The following TENM4 variants were observed in gnomAD, a reference collection of about 807,000 sequenced individuals.
TENM4 encodes the protein teneurin-4.
A neutral mutation model predicts 243.3 loss-of-function variants in TENM4; 82 were observed. The ratio of observed to expected loss-of-function variants is 0.34; its 90% CI spans 0.28 to 0.40. The LOEUF is 0.40. Ranked by LOEUF, TENM4 falls within the 10% of genes least tolerant of loss-of-function variation. The probability of loss-of-function intolerance (pLI) is 1.00; values close to 1 mark genes in which losing one functional copy is unlikely to be tolerated. For missense variants in TENM4, 3,138 were observed against 3,673.3 expected (o/e 0.85, Z 3.77); for synonymous variants, 1,412 against 1,456.3 (o/e 0.97, Z 0.69).
chr11:79,045,469 C>T (rs1003969692), intron 6 of TENM4, among the ~76,000 whole-genome samples: 4 of 152,096 alleles, frequency 2.6e-5, no homozygotes, highest in African/African-American at 9.7e-5. Context: ...GAGGCTCAGC[C>T]CTTTCCTCTC....
At chr11:78,778,837 G>T (rs1856788720) in intron 16 of TENM4, among the ~76,000 whole-genome samples, 1 of 152,158 alleles carries the variant, frequency 6.6e-6, no homozygotes, top group Non-Finnish European at 1.5e-5. Context: ...TGGCCAAAAG[G>T]AACTTCAACT....
chr11:78,942,782 G>A (rs1008921334), intron 6 of TENM4, among the ~76,000 whole-genome samples: 3 of 142,658 alleles, frequency 2.1e-5, no homozygotes, highest in Non-Finnish European at 4.5e-5. Context: ...CCCCTCCTAC[G>A]TAAAATTTAT....
At chr11:78,685,912 C>T (rs865776637) in intron 29 of TENM4, among the ~76,000 whole-genome samples, 1 of 152,184 alleles carries the variant, frequency 6.6e-6, no homozygotes, top group Non-Finnish European at 1.5e-5. Flanking sequence ...TCCACAGTTC[C>T]CAGCTCATAA....
intron 3 of TENM4, among the ~76,000 whole-genome samples, chr11:79,202,180 C>A (rs1033885198): frequency 3.3e-5 from 5 of 152,166 alleles, no homozygotes; most frequent in Non-Finnish European, 5.9e-5. Context: ...CTGCCAGGAA[C>A]AGGACCTCGT....
chr11:78,726,195 C>T lies in TENM4; in HGVS notation c.3434G>A (p.Cys1145Tyr). 12 of 1,613,882 alleles carry T rather than the reference C, an allele frequency of 7.4e-6. No homozygotes were observed. Among genetic ancestry groups the T allele is most frequent in the Non-Finnish European group, 1.0e-5 (12 of 1,179,858 alleles). ...TTTTTCCCACAGGATTAGATCTGGG[C>T]AGGATTCATATTCATAACCCACGGA... ...FVSVGYEYESCPDLILWEKRT... is the reference protein window; with the variant it reads ...FVSVGYEYESYPDLILWEKRT... Residue 1145 changes from cysteine (C) to tyrosine (Y), a missense_variant, in exon 23 of 34, where the codon TGC becomes TAC. Transcript: ENST00000278550.
At chr11:79,272,758 G>A (rs759849520) in intron 2 of TENM4, among the ~76,000 whole-genome samples, 4 of 152,050 alleles carry the variant, frequency 2.6e-5, no homozygotes, top group African/African-American at 4.8e-5. Flanking sequence ...CTTCCTCCTG[G>A]AAGCTTCCCC....
intron 3 of TENM4, among the ~76,000 whole-genome samples, chr11:79,212,873 C>T (rs777861219): frequency 2.0e-5 from 3 of 152,192 alleles, no homozygotes; most frequent in Non-Finnish European, 4.4e-5. Context: ...AACAAGTCTC[C>T]GCCTCCTGAC....
intron 4 of TENM4, among the ~76,000 whole-genome samples, chr11:79,071,321 T>A (rs1860410138): frequency 6.6e-6 from 1 of 152,170 alleles, no homozygotes; most frequent in Non-Finnish European, 1.5e-5. Flanking sequence ...GACATTCCCC[T>A]GCTTCACTAT....
chr11:78,756,716 C>A, intron 19 of TENM4, 89 bp downstream of exon 19: 1 of 1,305,052 alleles, frequency 7.7e-7, no homozygotes, highest in East Asian at 2.5e-5. Flanking sequence ...TCCTGGCTTC[C>A]TCCCACCCCC....
Position 78,672,065 on chromosome 11 carries a change from C to G in TENM4, c.5761G>C (p.Gly1921Arg). The change falls in exon 31 of 34, where the codon GGG (glycine) becomes CGG (arginine). Residue 1921 changes from glycine to arginine, a missense_variant. Physicochemically the swap from Gly to Arg is moderately radical, Grantham distance 125. Around this residue, in one of 2 missense-constraint regions of TENM4, gnomAD observed 2,467 missense variants for 3,059.1 expected, o/e 0.81. Transcript: ENST00000278550. ...GRITSRIFAD[G>R]KTWSYTYLEK... Reference sequence around the variant, plus strand: ...AAGTATGTGTAGCTCCATGTCTTCCCATCAGCGAAGATCCTGGATGTGATG... The same window carrying G: ...AAGTATGTGTAGCTCCATGTCTTCCGATCAGCGAAGATCCTGGATGTGATG... 1 of 1,613,938 alleles carries G rather than the reference C, an allele frequency of 6.2e-7. No individual in the cohort carries two copies. Among genetic ancestry groups the G allele is most frequent in the South Asian group, 1.1e-5 (1 of 91,042 alleles).
At chr11:79,114,458 A>G (rs955834138) in intron 4 of TENM4, among the ~76,000 whole-genome samples, 1 of 152,254 alleles carries the variant, frequency 6.6e-6, no homozygotes, top group Non-Finnish European at 1.5e-5. Flanking sequence ...GTGAAACTGT[A>G]AAAGTCCCCT....
chr11:79,038,876 A>G (rs1291370948), intron 6 of TENM4, among the ~76,000 whole-genome samples: 2 of 151,978 alleles, frequency 1.3e-5, no homozygotes, highest in African/African-American at 4.8e-5. Context: ...TTTCATACTG[A>G]TGGTTCTGCT....
intron 1 of TENM4, among the ~76,000 whole-genome samples, chr11:79,317,953 C>T (rs1477738838): frequency 6.6e-6 from 1 of 152,128 alleles, no homozygotes; most frequent in Non-Finnish European, 1.5e-5. Flanking sequence ...AACTAGCTTT[C>T]CATGGTGGCC....
chr11:79,249,720 G>T (rs1245161241), intron 2 of TENM4, among the ~76,000 whole-genome samples: 7 of 152,206 alleles, frequency 4.6e-5, no homozygotes, highest in Non-Finnish European at 8.8e-5. Flanking sequence ...TTGAATTCCA[G>T]ATCTGTCACT....
At chr11:78,749,917 C>T (rs1792139) in intron 19 of TENM4, among the ~76,000 whole-genome samples, 53,493 of 152,006 alleles carry the variant, frequency 0.35, 10,572 homozygotes, top group Middle Eastern at 0.51. Flanking sequence ...CCCTATGTTC[C>T]TCTTTCTCCC....
chr11:78,716,091 C>T (rs76120778), intron 25 of TENM4, among the ~76,000 whole-genome samples: 14 of 152,290 alleles, frequency 9.2e-5, no homozygotes, highest in African/African-American at 3.4e-4. Context: ...AAAACTGAGA[C>T]TGGAAGAGGT....
intron 19 of TENM4, among the ~76,000 whole-genome samples, chr11:78,750,095 T>C (rs925391554): frequency 6.6e-6 from 1 of 152,232 alleles, no homozygotes; most frequent in Non-Finnish European, 1.5e-5. Context: ...CCTGGAAAGT[T>C]ATGCTGTTGC....
chr11:79,046,403 G>A (rs759410748), intron 6 of TENM4, among the ~76,000 whole-genome samples: 2 of 152,112 alleles, frequency 1.3e-5, no homozygotes, highest in African/African-American at 2.4e-5. Flanking sequence ...ATAGTGCCTG[G>A]CAACTAATGG....
At chr11:79,079,748 G>A (rs1458627299) in intron 4 of TENM4, among the ~76,000 whole-genome samples, 1 of 147,918 alleles carries the variant, frequency 6.8e-6, no homozygotes, top group Non-Finnish European at 1.5e-5. Flanking sequence ...AGAATTGCTT[G>A]AATCTGAGAG....
Sources: gnomAD v4.1 joint callset for allele counts (sites outside exome capture counted in the v4.1 genomes callset) on GRCh38, gnomAD v4.1.1 for gene constraint, gnomAD v4.1.1 regional missense constraint, MANE v1.5 for transcripts, NCBI Gene and HGNC (gene_info 2026-07-23, HGNC 2026-07-21) for gene names.